Variants in IQSEC1 observed in about 807,000 individuals in gnomAD.
IQSEC1 encodes the protein IQ motif and Sec7 domain ArfGEF 1, also known as IQ motif and SEC7 domain-containing protein 1.
In IQSEC1, 31 loss-of-function variants were observed where a neutral mutation model predicts 91.0. The ratio of observed to expected loss-of-function variants is 0.34; its 90% CI spans 0.26 to 0.46. IQSEC1 has a LOEUF of 0.46. IQSEC1 is among the 20% of genes least tolerant of loss of function. The pLI is 1.00. For missense variants in IQSEC1, 1,388 were observed against 1,575.6 expected (o/e 0.88, Z 2.02); for synonymous variants, 699 against 662.6 (o/e 1.05, Z -0.84).
chr3:12,946,304 C>A (rs1699176411), intron 1 of IQSEC1, among the ~76,000 whole-genome samples: 1 of 152,206 alleles, frequency 6.6e-6, no homozygotes, highest in Non-Finnish European at 1.5e-5. Flanking sequence ...GTGAACACAC[C>A]AGTGTGAGTC....
chr3:13,112,327 C>G (rs1004747706), intron 2 of IQSEC1, among the ~76,000 whole-genome samples: 2 of 152,240 alleles, frequency 1.3e-5, no homozygotes, highest in African/African-American at 2.4e-5. Context: ...GCCAAACCAG[C>G]TGGGTGACCT....
chr3:13,112,970 A>G (rs963125710), intron 2 of IQSEC1, among the ~76,000 whole-genome samples: 4 of 152,262 alleles, frequency 2.6e-5, no homozygotes, highest in East Asian at 3.8e-4. Context: ...GTGATTAAAA[A>G]GCGGCTGGCG....
chr3:13,211,084 C>T lies in IQSEC1; in HGVS notation c.273-46951G>A, dbSNP rs1411814737. On this transcript the variant is annotated intron_variant, in intron 1 of 15. Coordinates refer to the IQSEC1 transcript ENST00000648114. This position sits in a 1 kb window ranked among gnomAD's most constrained non-coding sequence, Gnocchi z 5.3. Reference sequence around the variant, plus strand: ...TGATGCATCCTCTGGCTAGCAGTGCCTGACACACAGTAGGTGTGCAGTAAA... The same window carrying T: ...TGATGCATCCTCTGGCTAGCAGTGCTTGACACACAGTAGGTGTGCAGTAAA... 6.6e-6 allele frequency among the ~76,000 whole-genome samples: 1 copy of T among 152,232 alleles called. No homozygotes were observed. Among genetic ancestry groups the T allele is most frequent in the African/African-American group, 2.4e-5 (1 of 41,458 alleles).
intron 1 of IQSEC1, among the ~76,000 whole-genome samples, chr3:13,018,872 G>A (rs542493817): frequency 3.9e-5 from 6 of 152,336 alleles, no homozygotes; most frequent in African/African-American, 1.2e-4. Context: ...GGTAGGAAGG[G>A]GCTGAGCCCA....
At chr3:13,125,632 C>T (rs547727591) in intron 2 of IQSEC1, among the ~76,000 whole-genome samples, 1 of 152,344 alleles carries the variant, frequency 6.6e-6, no homozygotes, top group African/African-American at 2.4e-5. Flanking sequence ...CTGGACAGCC[C>T]TCTGGGTCTT....
upstream of IQSEC1, among the ~76,000 whole-genome samples, chr3:13,077,387 A>G (rs548097074): frequency 1.3e-5 from 2 of 152,316 alleles, no homozygotes; most frequent in Admixed American, 6.5e-5. Context: ...TTCACTCTGT[A>G]GTGAATCTCC....
intron 1 of IQSEC1, among the ~76,000 whole-genome samples, chr3:13,047,318 G>T (rs1039440865): frequency 2.0e-5 from 3 of 152,222 alleles, no homozygotes; most frequent in African/African-American, 4.8e-5. Context: ...GCTCTCAGGG[G>T]ACATATCAGT....
At chr3:13,114,701 G>A (rs1195926290) in intron 2 of IQSEC1, among the ~76,000 whole-genome samples, 3 of 149,856 alleles carry the variant, frequency 2.0e-5, no homozygotes, top group Admixed American at 6.7e-5. Context: ...GCTGAGGCAG[G>A]AGAATCACTT....
At position 12,901,221 on chromosome 3, in the gene IQSEC1, T is replaced by G; in HGVS notation, c.3107A>C (p.Asn1036Thr). ...GHHTQYCHMQ[N>T]PPPYHHHHHH... is the part of the protein sequence containing the mutation. ...GTGGTGATGGTGGTACGGGGGAGGG[T>G]TCTGCATGTGGCAGTACTGGGTGTG... Residue 1036 changes from asparagine to threonine, a missense_variant, in exon 14 of 14, where the codon AAC (asparagine) becomes ACC (threonine). Transcript: ENST00000613206. 1 of 1,547,596 alleles carries G rather than the reference T, an allele frequency of 6.5e-7. No homozygotes were observed. Among genetic ancestry groups the G allele is most frequent in the Non-Finnish European group, 8.7e-7 (1 of 1,145,854 alleles).
At chr3:13,276,080 C>CTT (rs796663192) in intron 1 of IQSEC1, among the ~76,000 whole-genome samples, 11,618 of 79,036 alleles carry the variant, frequency 0.15, 3,619 homozygotes, top group African/African-American at 0.2. Flanking sequence ...CAAAAGCATT[C>CTT]TTTTTTTTTT....
In IQSEC1 at chr3:12,983,812, G is replaced by A. The variant is rs1397885177; in HGVS notation, c.24-41947C>T. ...CCCCACTTATGCCCAGCCTCAGCAC[G>A]GCGCCTGGCACAACTAGCTGCTGGA... On this transcript the variant is annotated intron_variant, in intron 1 of 13. Coordinates refer to ENST00000613206, the MANE Select transcript of IQSEC1 (RefSeq NM_001134382.3). The surrounding 1 kb of genome is among the most constrained non-coding windows in gnomAD (Gnocchi z 4.3). Among the ~76,000 whole-genome samples the A allele has an allele frequency of 6.6e-6, 1 of 152,178 alleles. No homozygotes were observed. The highest frequency in any genetic ancestry group is 1.5e-5 in the Non-Finnish European group (1 of 68,032).
intron 1 of IQSEC1, among the ~76,000 whole-genome samples, chr3:12,949,679 A>C (rs11927606): frequency 0.016 from 2,443 of 151,510 alleles, 73 homozygotes; most frequent in African/African-American, 0.056. Context: ...AGAGGAAGGA[A>C]GGGGATGGTC....
intron 1 of IQSEC1, among the ~76,000 whole-genome samples, chr3:13,038,407 T>A (rs1283138524): frequency 6.6e-6 from 1 of 151,130 alleles, no homozygotes; most frequent in Non-Finnish European, 1.5e-5. Flanking sequence ...AAAAACAAAA[T>A]ATCACATGTT....
intron 12 of IQSEC1, among the ~76,000 whole-genome samples, chr3:12,907,393 A>G (rs749223988): frequency 6.6e-6 from 1 of 152,182 alleles, no homozygotes; most frequent in Non-Finnish European, 1.5e-5. Flanking sequence ...GGGTCTTCCC[A>G]AAACAGGCAC....
Position 12,935,630 on chromosome 3 carries a change from C to T in IQSEC1, c.1386G>A (p.Thr462=), listed in dbSNP as rs374565319. The part of the protein sequence containing the change: ...SDGDNDSINS[T]SNSNDTINCS... ...AGTTGATGGTATCGTTGGAGTTGGA[C>T]GTGCTGTTGATGCTGTCATTGTCAC... Residue 462 remains threonine, a synonymous_variant, in exon 3 of 14, where the codon ACG becomes ACA. Coordinates refer to ENST00000613206, the MANE Select transcript of IQSEC1 (RefSeq NM_001134382.3). This position sits in a 1 kb window ranked among gnomAD's most constrained non-coding sequence, Gnocchi z 8.0. 23 of 1,614,004 alleles carry T rather than the reference C, an allele frequency of 1.4e-5. No homozygotes were observed. Among genetic ancestry groups the T allele is most frequent in the Middle Eastern group, 1.6e-4 (1 of 6,082 alleles).
At chr3:13,048,558 T>C (rs1704577526) in intron 1 of IQSEC1, among the ~76,000 whole-genome samples, 1 of 152,148 alleles carries the variant, frequency 6.6e-6, no homozygotes, top group Non-Finnish European at 1.5e-5. Flanking sequence ...CACAGTGGGG[T>C]TTGACATTCT....
intron 1 of IQSEC1, among the ~76,000 whole-genome samples, chr3:12,945,197 G>T (rs1576005157): frequency 6.6e-6 from 1 of 152,284 alleles, no homozygotes; most frequent in Admixed American, 6.5e-5. Flanking sequence ...CCGGGGCAGG[G>T]TATCTTTGGG....
At chr3:13,167,952 A>G (rs1191237565) in intron 1 of IQSEC1, among the ~76,000 whole-genome samples, 1 of 152,166 alleles carries the variant, frequency 6.6e-6, no homozygotes, top group Non-Finnish European at 1.5e-5. Flanking sequence ...GGGTGGAGAA[A>G]TGAGCTCCCG....
chr3:13,098,618 A>G (rs1706004307), intron 2 of IQSEC1, among the ~76,000 whole-genome samples: 2 of 152,166 alleles, frequency 1.3e-5, no homozygotes, highest in African/African-American at 4.8e-5. Flanking sequence ...GGCAGAGGAA[A>G]CAGCAGTGGA....
Sources: gnomAD v4.1 joint callset for allele counts (sites outside exome capture counted in the v4.1 genomes callset) on GRCh38, gnomAD v4.1.1 for gene constraint, Gnocchi (gnomAD v3.1) non-coding constraint, MANE v1.5 for transcripts, NCBI Gene and HGNC (gene_info 2026-07-23, HGNC 2026-07-21) for gene names.